Variants in SPAG16 observed in about 807,000 individuals in gnomAD.
SPAG16 encodes the protein sperm associated antigen 16.
SPAG16 carries 86 observed loss-of-function variants against 80.4 expected under a neutral mutation model. The observed-to-expected ratio is 1.07, with a 90% CI of 0.90 to 1.28. The LOEUF (loss-of-function observed/expected upper bound fraction) is 1.28, where lower values mean the gene tolerates loss of function less well. SPAG16 is among the 50% of genes most tolerant of loss of function. SPAG16 has a pLI of 0.00. For synonymous variants in SPAG16, 294 were observed against 265.9 expected (o/e 1.11, Z -1.03); for missense variants, 870 against 765.3 (o/e 1.14, Z -1.61).
intron 15 of SPAG16, among the ~76,000 whole-genome samples, chr2:214,294,847 T>C (rs767042647): frequency 6.6e-6 from 1 of 152,228 alleles, no homozygotes; most frequent in Non-Finnish European, 1.5e-5. Context: ...AATATGTTTT[T>C]CTGATGCCAC....
intron 10 of SPAG16, among the ~76,000 whole-genome samples, chr2:213,755,471 A>G (rs2068281437): frequency 6.6e-6 from 1 of 152,228 alleles, no homozygotes; most frequent in Non-Finnish European, 1.5e-5. Context: ...GTGATCCACT[A>G]AAAAAGTAAA....
rs2075574420 is a variant in SPAG16 at position 213,519,426 on chromosome 2, A to C, written c.1070+29336A>C. 2.0e-5 allele frequency among the ~76,000 whole-genome samples: 3 copies of C among 152,306 alleles called. No homozygotes were observed. In the South Asian group the frequency reaches 6.2e-4, roughly 32 times the overall value. ...GGCAGGTCTTTCCTTTGCTGTTCTCATGATAATGAATAAGTCTCATGAGAT... is the reference window on the plus strand; with the variant it reads ...GGCAGGTCTTTCCTTTGCTGTTCTCCTGATAATGAATAAGTCTCATGAGAT... On this transcript the variant is annotated intron_variant, in intron 10 of 15. Coordinates refer to ENST00000331683, the MANE Select transcript of SPAG16 (RefSeq NM_024532.5).
chr2:213,750,821 C>T (rs1456974916), intron 10 of SPAG16, among the ~76,000 whole-genome samples: 1 of 152,198 alleles, frequency 6.6e-6, no homozygotes, highest in African/African-American at 2.4e-5. Context: ...TATCTGATAT[C>T]TGTAGAGTGT....
At chr2:214,335,568 T>C (rs1697223514) in intron 15 of SPAG16, among the ~76,000 whole-genome samples, 1 of 151,864 alleles carries the variant, frequency 6.6e-6, no homozygotes, top group Non-Finnish European at 1.5e-5. Flanking sequence ...GTGCTGACGA[T>C]GCTGATGTGT....
intron 9 of SPAG16, among the ~76,000 whole-genome samples, chr2:213,419,349 A>G (rs567786525): frequency 6.6e-6 from 1 of 152,240 alleles, no homozygotes; most frequent in African/African-American, 2.4e-5. Flanking sequence ...TACATTAAAT[A>G]TTTTAGCCGT....
intron 10 of SPAG16, among the ~76,000 whole-genome samples, chr2:213,548,516 A>G (rs2076687612): frequency 6.6e-6 from 1 of 152,182 alleles, no homozygotes; most frequent in South Asian, 2.1e-4. Context: ...CGACCCTTAC[A>G]GCATTTTTTC....
chr2:214,115,922 A>G (rs1321209601), intron 14 of SPAG16, among the ~76,000 whole-genome samples: 2 of 151,914 alleles, frequency 1.3e-5, no homozygotes, highest in East Asian at 1.9e-4. Flanking sequence ...TCCGCCCACA[A>G]GAATCCTGCA....
At chr2:213,813,256 G>C (rs956574816) in intron 10 of SPAG16, among the ~76,000 whole-genome samples, 8 of 152,216 alleles carry the variant, frequency 5.3e-5, no homozygotes, top group African/African-American at 1.9e-4. Context: ...AATGGAGAAA[G>C]AGATGGAAAC....
intron 12 of SPAG16, among the ~76,000 whole-genome samples, chr2:213,992,823 T>C (rs2046349270): frequency 6.6e-6 from 1 of 152,184 alleles, no homozygotes; most frequent in Non-Finnish European, 1.5e-5. Flanking sequence ...AACAAAGTCA[T>C]ATAAAAGTTG....
intron 10 of SPAG16, among the ~76,000 whole-genome samples, chr2:213,833,535 AT>A (rs1458396771): frequency 0.064 from 7 of 110 alleles, 3 homozygotes; most frequent in Non-Finnish European, 0.13. Flanking sequence ...TATATATTAT[AT>A]ATAATATATA....
intron 9 of SPAG16, among the ~76,000 whole-genome samples, chr2:213,428,595 GC>G: frequency 6.6e-6 from 1 of 152,200 alleles, no homozygotes; most frequent in East Asian, 1.9e-4. Flanking sequence ...ATTTGCTCCA[GC>G]TGTGGGCATT....
intron 15 of SPAG16, among the ~76,000 whole-genome samples, chr2:214,330,954 G>C (rs1696874039): frequency 6.6e-6 from 1 of 152,164 alleles, no homozygotes; most frequent in Admixed American, 6.5e-5. Flanking sequence ...TCTTTGTCCT[G>C]AAGAAACTTA....
intron 15 of SPAG16, among the ~76,000 whole-genome samples, chr2:214,386,653 A>T (rs4274594): frequency 6.6e-6 from 1 of 151,902 alleles, no homozygotes; most frequent in Non-Finnish European, 1.5e-5. Context: ...CTTGAGCTCA[A>T]TAATTAAAGA....
At chr2:213,603,931 T>G (rs13028530) in intron 10 of SPAG16, among the ~76,000 whole-genome samples, 40,377 of 151,506 alleles carry the variant, frequency 0.27, 6,259 homozygotes, top group Middle Eastern at 0.42. Context: ...CCTGGTTTTT[T>G]TTTTTTTTTT....
At chr2:214,023,562 T>C (rs1392801068) in intron 13 of SPAG16, among the ~76,000 whole-genome samples, 3 of 151,868 alleles carry the variant, frequency 2.0e-5, no homozygotes, top group African/African-American at 7.2e-5. Flanking sequence ...TGCTTTTAGG[T>C]AGAAAAGCAT....
intron 14 of SPAG16, among the ~76,000 whole-genome samples, chr2:214,134,634 T>C (rs187493399): frequency 2.0e-5 from 3 of 152,308 alleles, no homozygotes; most frequent in Admixed American, 2.0e-4. Context: ...AGTCAACCTC[T>C]TACTTATAAC....
intron 15 of SPAG16, among the ~76,000 whole-genome samples, chr2:214,323,510 G>A (rs569734206): frequency 1.3e-5 from 2 of 152,104 alleles, no homozygotes; most frequent in Non-Finnish European, 2.9e-5. Context: ...AACTGCTGTT[G>A]TTTGACTTCC....
intron 9 of SPAG16, among the ~76,000 whole-genome samples, chr2:213,384,929 A>G (rs1265907731): frequency 1.3e-5 from 2 of 152,118 alleles, no homozygotes; most frequent in Admixed American, 1.3e-4. Context: ...GTTCTTTTCC[A>G]TAATTGTGCC....
At chr2:213,287,066 A>C (rs146607360) in intron 1 of SPAG16, among the ~76,000 whole-genome samples, 3,124 of 152,312 alleles carry the variant, frequency 0.021, 56 homozygotes, top group Non-Finnish European at 0.032. Flanking sequence ...GACTTCAACA[A>C]GGTGAGATAC....
Sources: allele counts gnomAD v4.1 joint callset (sites outside exome capture counted in the v4.1 genomes callset), GRCh38; gene constraint gnomAD v4.1.1; transcripts MANE v1.5; gene names NCBI Gene and HGNC (gene_info 2026-07-23, HGNC 2026-07-21).